HERC1: variants seen among roughly 807,000 people sequenced by gnomAD.
HERC1 encodes the protein HECT and RLD domain containing E3 ubiquitin protein ligase family member 1.
A neutral mutation model predicts 554.3 loss-of-function variants in HERC1; 160 were observed. The observed-to-expected ratio is 0.29, with a 90% CI of 0.25 to 0.33. The LOEUF is 0.33. HERC1 is among the 10% of genes least tolerant of loss of function. The pLI is 1.00. For missense variants in HERC1, 4,919 were observed against 5,918.5 expected, an observed-to-expected ratio of 0.83 and a Z score of 5.54; for synonymous variants, 2,175 against 2,131.7, an observed-to-expected ratio of 1.02 and a Z score of -0.56.
At chr15:63,656,502 T>C (rs777696052) in intron 48 of HERC1, 144 bp from the exon 49 acceptor site, 3 of 724,010 alleles carry the variant, frequency 4.1e-6, no homozygotes, top group South Asian at 1.9e-5. Flanking sequence ...GTCCTAAGAG[T>C]TGCCAAAGGT....
chr15:63,813,051 C>T (rs16947468), intron 1 of HERC1, among the ~76,000 whole-genome samples: 72,975 of 151,888 alleles, frequency 0.48, 18,413 homozygotes, highest in Non-Finnish European at 0.55. Context: ...TTACAATCAA[C>T]GATATTGAGA....
chr15:63,654,436 T>C (rs2069892356), intron 50 of HERC1, 112 bp from the exon 51 acceptor site: 4 of 754,308 alleles, frequency 5.3e-6, no homozygotes, highest in Admixed American at 5.2e-5. Context: ...AACAAGCAAA[T>C]GGGTTAACCC....
chr15:63,697,744 C>T (rs376739060), intron 26 of HERC1, among the ~76,000 whole-genome samples: 1 of 152,102 alleles, frequency 6.6e-6, no homozygotes, highest in Admixed American at 6.6e-5. Context: ...AGTGAGCCAC[C>T]GCGCCCGGCC....
At chr15:63,765,481 G>C (rs1255852747) in intron 2 of HERC1, among the ~76,000 whole-genome samples, 2 of 152,068 alleles carry the variant, frequency 1.3e-5, no homozygotes, top group African/African-American at 2.4e-5. Flanking sequence ...TATCCATCCA[G>C]CGTTAACATC....
intron 1 of HERC1, among the ~76,000 whole-genome samples, chr15:63,802,596 A>G (rs1339970410): frequency 1.3e-5 from 2 of 151,326 alleles, no homozygotes; most frequent in Non-Finnish European, 2.9e-5. Flanking sequence ...CTAAAAGCCA[A>G]TTGTTTTTTT....
intron 12 of HERC1, among the ~76,000 whole-genome samples, chr15:63,746,005 T>A (rs1399893929): frequency 6.6e-6 from 1 of 152,122 alleles, no homozygotes; most frequent in African/African-American, 2.4e-5. Flanking sequence ...TCTCCTCAAT[T>A]GTTTTTCTGT....
chr15:63,661,711 G>A (rs2070369268), intron 45 of HERC1, 42 bp downstream of exon 45: 3 of 1,589,416 alleles, frequency 1.9e-6, no homozygotes, highest in Non-Finnish European at 2.6e-6. Context: ...AAGGTATGAG[G>A]TATCTTCAGG....
At position 63,732,969 on chromosome 15, in the gene HERC1, A is replaced by T. The variant is rs150589145; in HGVS notation, c.2823T>A (p.Ala941=). The part of the protein sequence containing the change: ...TQSCHPDTHL[A]EILMKTLLRN... ...TTAAGAGGGTCTTCATCAAAATTTC[A>T]GCCAGGTGGGTATCTGGATGGCAGC... The change falls in exon 14 of 78, where the codon GCT becomes GCA. Residue 941 remains alanine, a synonymous_variant. Transcript: ENST00000443617. 132 of 1,613,948 alleles carry T rather than the reference A, an allele frequency of 8.2e-5. No individual in the cohort carries two copies. In the African/African-American group the frequency reaches 1.5e-3, roughly 19 times the overall value.
In HERC1 at chr15:63,701,389, G is replaced by A. The variant is rs138828182; in HGVS notation, c.4637-2393C>T. On this transcript the variant is annotated intron_variant, in intron 25 of 77. Transcript: ENST00000443617. Reference sequence around the variant, plus strand: ...CTTCATATAAACCAAAATATTCTATGGAATGGCTGACGAAGCCCAAAATTA... The same window carrying A: ...CTTCATATAAACCAAAATATTCTATAGAATGGCTGACGAAGCCCAAAATTA... 1.0e-3 allele frequency among the ~76,000 whole-genome samples: 158 copies of A among 152,228 alleles called. 1 individual carries two copies. Among genetic ancestry groups the A allele is most frequent in the African/African-American group, 3.5e-3 (147 of 41,528 alleles).
intron 12 of HERC1, among the ~76,000 whole-genome samples, chr15:63,737,184 T>C (rs952246261): frequency 1.3e-5 from 2 of 150,900 alleles, no homozygotes; most frequent in African/African-American, 2.4e-5. Flanking sequence ...AATATAGAAT[T>C]AAATTTCTTA....
At chr15:63,685,639 G>A (rs1039350025) in intron 34 of HERC1, among the ~76,000 whole-genome samples, 36 of 152,182 alleles carry the variant, frequency 2.4e-4, no homozygotes, top group African/African-American at 8.4e-4. Context: ...AGGCATAACT[G>A]AAGTCAATAT....
At chr15:63,804,707 T>C (rs2077088620) in intron 1 of HERC1, among the ~76,000 whole-genome samples, 2 of 151,922 alleles carry the variant, frequency 1.3e-5, no homozygotes, top group Non-Finnish European at 2.9e-5. Flanking sequence ...ACATATCCAA[T>C]GAGACGTGTA....
chr15:63,640,254 A>G lies in HERC1; in HGVS notation c.11799T>C (p.Thr3933=). ...EWAWLECFST[T]IKAAEALTNG... ...TGGTCAGGGCTTCGGCAGCTTTTATAGTGGTTGAGAAACATTCTAACCAGG... is the reference window on the plus strand; with the variant it reads ...TGGTCAGGGCTTCGGCAGCTTTTATGGTGGTTGAGAAACATTCTAACCAGG... Residue 3933 remains threonine (T), a synonymous_variant, in exon 61 of 78, where the codon ACT becomes ACC. Transcript: ENST00000443617. 6.2e-7 allele frequency: 1 copy of G among 1,613,932 alleles called. No individual in the cohort carries two copies. The highest frequency in any genetic ancestry group is 8.5e-7 in the Non-Finnish European group (1 of 1,179,834).
intron 1 of HERC1, among the ~76,000 whole-genome samples, chr15:63,820,520 T>G (rs943305844): frequency 4.6e-5 from 7 of 152,212 alleles, no homozygotes; most frequent in African/African-American, 1.4e-4. Flanking sequence ...GGCTGCTTAC[T>G]TGAATTATAT....
intron 1 of HERC1, among the ~76,000 whole-genome samples, chr15:63,805,607 T>C (rs2077113533): frequency 6.6e-6 from 1 of 152,176 alleles, no homozygotes; most frequent in South Asian, 2.1e-4. Context: ...TGTCTTAAAA[T>C]GGTGAATTTA....
chr15:63,660,874 A>C (rs2152928533), intron 46 of HERC1, 99 bp downstream of exon 46: 1 of 730,004 alleles, frequency 1.4e-6, no homozygotes, highest in South Asian at 1.7e-5. Flanking sequence ...CACAAATACA[A>C]ACACACACAC....
chr15:63,755,809 G>C (rs1296140096), intron 5 of HERC1, among the ~76,000 whole-genome samples: 1 of 152,012 alleles, frequency 6.6e-6, no homozygotes, highest in East Asian at 1.9e-4. Context: ...GAGAGGAAGA[G>C]AGAGGAGGGG....
At chr15:63,635,309 A>T (rs776758622) in intron 65 of HERC1, among the ~76,000 whole-genome samples, 1 of 152,174 alleles carries the variant, frequency 6.6e-6, no homozygotes, top group Non-Finnish European at 1.5e-5. Flanking sequence ...TTGGCCTCCC[A>T]AAGTGTTAGG....
chr15:63,639,393 A>C (rs1465009438), intron 61 of HERC1, among the ~76,000 whole-genome samples: 1 of 152,176 alleles, frequency 6.6e-6, no homozygotes, highest in African/African-American at 2.4e-5. Context: ...ATCAGACTAT[A>C]CCGTATAGTC....
Sources: gnomAD v4.1 joint callset for allele counts (sites outside exome capture counted in the v4.1 genomes callset) on GRCh38, gnomAD v4.1.1 for gene constraint, MANE v1.5 for transcripts, NCBI Gene and HGNC (gene_info 2026-07-23, HGNC 2026-07-21) for gene names.